ERC2: variants seen among roughly 807,000 people sequenced by gnomAD.
The protein encoded by ERC2 is ERC protein 2.
Under a neutral mutation model 114.8 loss-of-function variants are expected in ERC2, and 42 were observed. The observed-to-expected ratio is 0.37, with a 90% CI of 0.29 to 0.47. ERC2 has a LOEUF of 0.47. Among genes scored for constraint, ERC2 ranks in the 20% least tolerant of loss-of-function variants. The probability of loss-of-function intolerance (pLI) is 0.99; values close to 1 mark genes in which losing one functional copy is unlikely to be tolerated. For synonymous variants in ERC2, 454 were observed against 425.5 expected, an observed-to-expected ratio of 1.07 and a Z score of -0.82; for missense variants, 939 against 1,150.7, an observed-to-expected ratio of 0.82 and a Z score of 2.66.
intron 17 of ERC2, among the ~76,000 whole-genome samples, chr3:55,678,663 C>T (rs921152036): frequency 2.6e-5 from 4 of 152,178 alleles, no homozygotes; most frequent in Non-Finnish European, 5.9e-5. Context: ...GCCAGAGATT[C>T]CCCTGCTGAT....
At chr3:55,557,054 T>C (rs1212894066) in intron 17 of ERC2, among the ~76,000 whole-genome samples, 1 of 152,152 alleles carries the variant, frequency 6.6e-6, no homozygotes, top group Non-Finnish European at 1.5e-5. Context: ...TGAGTGACTG[T>C]AATATAAAGA....
At chr3:56,121,190 A>T (rs2079553384) in intron 6 of ERC2, among the ~76,000 whole-genome samples, 1 of 152,096 alleles carries the variant, frequency 6.6e-6, no homozygotes, top group Non-Finnish European at 1.5e-5. Context: ...CTAAGACAAA[A>T]CTTAGTAAAT....
At chr3:56,102,187 C>G (rs1469568013) in intron 6 of ERC2, among the ~76,000 whole-genome samples, 1 of 152,124 alleles carries the variant, frequency 6.6e-6, no homozygotes, top group Non-Finnish European at 1.5e-5. Flanking sequence ...GTGACACAAG[C>G]GCTCCCTCCA....
chr3:55,740,517 T>C (rs2065911200), intron 14 of ERC2, among the ~76,000 whole-genome samples: 1 of 151,250 alleles, frequency 6.6e-6, no homozygotes, highest in Non-Finnish European at 1.5e-5. Flanking sequence ...AATACCTTGA[T>C]TGAGATCTAC....
chr3:55,786,010 T>C (rs577069518), intron 14 of ERC2, among the ~76,000 whole-genome samples: 7 of 152,362 alleles, frequency 4.6e-5, no homozygotes, highest in Admixed American at 3.9e-4. Flanking sequence ...AATTTGTGAA[T>C]TGACTACCAC....
chr3:55,853,363 C>T (rs547610983), intron 14 of ERC2, among the ~76,000 whole-genome samples: 1 of 152,074 alleles, frequency 6.6e-6, no homozygotes, highest in African/African-American at 2.4e-5. Context: ...CCTGTCTCTA[C>T]AAAACATTAA....
intron 2 of ERC2, among the ~76,000 whole-genome samples, chr3:56,394,081 T>C (rs2060220943): frequency 6.6e-6 from 1 of 152,212 alleles, no homozygotes; most frequent in African/African-American, 2.4e-5. Flanking sequence ...GGAGGCATTC[T>C]CATGAGATGA....
chr3:55,713,119 T>A (rs1279670603), intron 15 of ERC2, among the ~76,000 whole-genome samples: 275 of 112,666 alleles, frequency 2.4e-3, no homozygotes, highest in African/African-American at 0.011. Context: ...TCTCTCTCTC[T>A]CTCTCTCTGT....
intron 12 of ERC2, among the ~76,000 whole-genome samples, chr3:55,984,833 A>C (rs1050092488): frequency 2.0e-5 from 3 of 152,184 alleles, no homozygotes; most frequent in Admixed American, 6.5e-5. Context: ...AGAAGTATTC[A>C]AGGACTATGA....
At chr3:56,195,468 T>C (rs575495414) in intron 3 of ERC2, among the ~76,000 whole-genome samples, 2 of 148,550 alleles carry the variant, frequency 1.3e-5, no homozygotes, top group East Asian at 4.1e-4. Context: ...TATATATGTA[T>C]GTTTAGGGAT....
intron 14 of ERC2, among the ~76,000 whole-genome samples, chr3:55,821,754 TA>T (rs2060133035): frequency 1.3e-5 from 2 of 152,328 alleles, no homozygotes; most frequent in South Asian, 4.1e-4. Context: ...ACCTAATACA[TA>T]CATATTGAGA....
chr3:55,777,956 C>T (rs921281862), intron 14 of ERC2, among the ~76,000 whole-genome samples: 1 of 152,086 alleles, frequency 6.6e-6, no homozygotes, highest in Non-Finnish European at 1.5e-5. Context: ...AGAAACAAAA[C>T]TTTCAGACCA....
intron 14 of ERC2, among the ~76,000 whole-genome samples, chr3:55,735,652 A>G (rs1575431748): frequency 6.6e-6 from 1 of 152,180 alleles, no homozygotes; most frequent in Non-Finnish European, 1.5e-5. Flanking sequence ...TTGGTAATTA[A>G]GTTTCCATCA....
At chr3:56,138,744 T>A (rs1401434149) in intron 6 of ERC2, among the ~76,000 whole-genome samples, 1 of 152,184 alleles carries the variant, frequency 6.6e-6, no homozygotes, top group Non-Finnish European at 1.5e-5. Flanking sequence ...TTCACCACAT[T>A]TTTCCCTATT....
Position 55,731,105 on chromosome 3 carries a change from C to T in ERC2, c.2712+3666G>A, listed in dbSNP as rs148482647. Among the ~76,000 whole-genome samples, 206 of 152,306 alleles carry T rather than the reference C, an allele frequency of 1.4e-3. 1 individual carries two copies. Among genetic ancestry groups the T allele is most frequent in the Non-Finnish European group, 2.5e-3 (172 of 68,024 alleles). On this transcript the variant is annotated intron_variant, in intron 15 of 17. Transcript: ENST00000288221. ...AACCAAGTACATGCGCAAGTACAGGCGCTATGGGCCTCTTCAGTGCAGGCT... is the reference window on the plus strand; with the variant it reads ...AACCAAGTACATGCGCAAGTACAGGTGCTATGGGCCTCTTCAGTGCAGGCT...
chr3:55,694,088 C>T (rs1400876969), intron 16 of ERC2, among the ~76,000 whole-genome samples: 1 of 152,132 alleles, frequency 6.6e-6, no homozygotes, highest in African/African-American at 2.4e-5. Context: ...AGGGAAAAAG[C>T]ACATTTGCAC....
intron 17 of ERC2, among the ~76,000 whole-genome samples, chr3:55,560,311 T>A (rs1304670604): frequency 6.6e-6 from 1 of 152,220 alleles, no homozygotes; most frequent in Non-Finnish European, 1.5e-5. Flanking sequence ...ATAAGGCTAT[T>A]TCTTGCTCAA....
chr3:55,672,203 T>C (rs148030212), intron 17 of ERC2, among the ~76,000 whole-genome samples: 198 of 151,828 alleles, frequency 1.3e-3, no homozygotes, highest in African/African-American at 4.6e-3. Context: ...AATAGCCAAG[T>C]ATGGTGGTGT....
chr3:56,333,230 T>C (rs897822827), intron 2 of ERC2, among the ~76,000 whole-genome samples: 2 of 152,192 alleles, frequency 1.3e-5, no homozygotes, highest in Non-Finnish European at 2.9e-5. Flanking sequence ...AGGGTGGCCA[T>C]GTGGATGAAG....
Sources: gnomAD v4.1 joint callset for allele counts (sites outside exome capture counted in the v4.1 genomes callset) on GRCh38, gnomAD v4.1.1 for gene constraint, MANE v1.5 for transcripts, NCBI Gene and HGNC (gene_info 2026-07-23, HGNC 2026-07-21) for gene names.